The following RLF variants were observed in gnomAD, a reference collection of about 807,000 sequenced individuals.
RLF encodes zinc finger protein Rlf.
RLF carries 7 observed loss-of-function variants against 162.9 expected under a neutral mutation model. The observed-to-expected ratio is 0.04, with a 90% CI of 0.02 to 0.08. RLF has a LOEUF of 0.08. Among genes scored for constraint, RLF ranks in the 10% least tolerant of loss-of-function variants. RLF has a pLI of 1.00. For synonymous variants in RLF, 782 were observed against 791.5 expected, an observed-to-expected ratio of 0.99 and a Z score of 0.20; for missense variants, 1,664 against 2,244.7, an observed-to-expected ratio of 0.74 and a Z score of 5.23.
chr1:40,221,358 A>ATTT, intron 5 of RLF, among the ~76,000 whole-genome samples: 1 of 152,234 alleles, frequency 6.6e-6, no homozygotes, highest in East Asian at 1.9e-4. Context: ...AACTTATTTG[A>ATTT]AAAAATAAAA....
At chr1:40,173,080 T>G (rs974864180) in intron 1 of RLF, among the ~76,000 whole-genome samples, 4 of 149,538 alleles carry the variant, frequency 2.7e-5, no homozygotes, top group South Asian at 4.2e-4. Context: ...CAGGTTTTTT[T>G]TTTTTTTTTT....
intron 1 of RLF, among the ~76,000 whole-genome samples, chr1:40,162,346 G>C (rs932808878): frequency 1.3e-5 from 2 of 151,978 alleles, no homozygotes; most frequent in East Asian, 1.9e-4. Flanking sequence ...TCTGTGCCTT[G>C]GTGGGTCCTA....
chr1:40,204,610 C>G (rs1167240212), intron 5 of RLF, among the ~76,000 whole-genome samples: 1 of 151,332 alleles, frequency 6.6e-6, no homozygotes, highest in Non-Finnish European at 1.5e-5. Flanking sequence ...TTTGGAGAGA[C>G]AGGGTCTTGC....
chr1:40,215,669 C>A (rs537736100), intron 5 of RLF, among the ~76,000 whole-genome samples: 74 of 152,140 alleles, frequency 4.9e-4, no homozygotes, highest in African/African-American at 1.7e-3. Flanking sequence ...CAGCCTTGAA[C>A]CTCCTGGGCT....
Position 40,239,603 on chromosome 1 carries a change from C to A in RLF, c.4901C>A (p.Ala1634Glu). 6.2e-7 allele frequency: 1 copy of A among 1,614,150 alleles called. No individual in the cohort carries two copies. The highest frequency in any genetic ancestry group is 2.2e-5 in the East Asian group (1 of 44,884). ...EHSHSPGDSSAPIQNTDCCHS... is the reference protein window; with the variant it reads ...EHSHSPGDSSEPIQNTDCCHS... Reference sequence around the variant, plus strand: ...AGCCATTCCCCGGGTGACAGTAGTGCACCCATCCAGAACACTGATTGCTGT... The same window carrying A: ...AGCCATTCCCCGGGTGACAGTAGTGAACCCATCCAGAACACTGATTGCTGT... Residue 1634 changes from alanine to glutamate, a missense_variant, in exon 8 of 8, where the codon GCA (alanine) becomes GAA (glutamate). Ala to Glu is a moderately radical substitution (Grantham distance 107). Transcript: ENST00000372771.
chr1:40,210,441 C>A (rs1447602469), intron 5 of RLF, among the ~76,000 whole-genome samples: 1 of 152,120 alleles, frequency 6.6e-6, no homozygotes, highest in Non-Finnish European at 1.5e-5. Flanking sequence ...GAGTACTTTG[C>A]AGGGATCCAC....
At chr1:40,234,718 C>G (rs757067835) in intron 7 of RLF, among the ~76,000 whole-genome samples, 1 of 152,224 alleles carries the variant, frequency 6.6e-6, no homozygotes, top group Non-Finnish European at 1.5e-5. Flanking sequence ...TCTAAAGTCT[C>G]TGCTCATAGC....
intron 5 of RLF, among the ~76,000 whole-genome samples, chr1:40,214,946 C>G (rs1431113327): frequency 1.8e-5 from 1 of 56,946 alleles, no homozygotes; most frequent in Non-Finnish European, 3.6e-5. Context: ...AAAAAAAAAA[C>G]TAAAGTATGA....
chr1:40,235,947 A>T lies in RLF; in HGVS notation c.1245A>T (p.Thr415=). 2 of 1,614,136 alleles carry T rather than the reference A, an allele frequency of 1.2e-6. No individual in the cohort carries two copies. The highest frequency in any genetic ancestry group is 8.5e-7 in the Non-Finnish European group (1 of 1,180,020). ...DLEVRRACQL[T]EFLIEPSLDG... ...AAGTTAGACGAGCCTGTCAGCTTAC[A>T]GAATTCTTAATTGAACCCAGTTTGG... Residue 415 remains threonine (T), a synonymous_variant, in exon 8 of 8, where the codon ACA becomes ACT. Transcript: ENST00000372771.
chr1:40,173,445 T>C (rs1425779570), intron 1 of RLF, among the ~76,000 whole-genome samples: 1 of 152,144 alleles, frequency 6.6e-6, no homozygotes, highest in Admixed American at 6.6e-5. Context: ...TTTTCATATA[T>C]TATGACTATT....
intron 4 of RLF, 34 bp downstream of exon 4, chr1:40,195,798 G>C: frequency 6.3e-7 from 1 of 1,585,404 alleles, no homozygotes; most frequent in Non-Finnish European, 8.6e-7. Flanking sequence ...TGAGGATTTA[G>C]TTCTGAGAAC....
intron 5 of RLF, among the ~76,000 whole-genome samples, chr1:40,221,744 T>C (rs1489279004): frequency 4.6e-5 from 7 of 151,190 alleles, no homozygotes; most frequent in African/African-American, 7.3e-5. Context: ...ACTAAAAATA[T>C]AAAAAATTAG....
chr1:40,235,876 G>T lies in RLF; in HGVS notation c.1174G>T (p.Ala392Ser). The change falls in exon 8 of 8, where the codon GCA (alanine) becomes TCA (serine). Residue 392 changes from alanine to serine, a missense_variant. Transcript: ENST00000372771. ...ATCAAGTGAAGATGAGGAAATGAAG[G>T]CATCAGTTTGTAAAACAATTGCCTG... ...LRSSEDEEMK[A>S]SVCKTIACLL... 6.2e-7 allele frequency: 1 copy of T among 1,614,020 alleles called. No homozygotes were observed.
intron 7 of RLF, among the ~76,000 whole-genome samples, chr1:40,235,212 C>T (rs1643202336): frequency 6.6e-6 from 1 of 151,908 alleles, no homozygotes; most frequent in South Asian, 2.1e-4. Context: ...CAGGCATGCA[C>T]CACCACACCT....
intron 4 of RLF, among the ~76,000 whole-genome samples, chr1:40,200,866 CTACACACA>C (rs1360036926): frequency 1.3e-4 from 14 of 107,740 alleles, no homozygotes; most frequent in Non-Finnish European, 2.6e-4. Flanking sequence ...CATTGCTACT[CTACACACA>C]CACACACACA....
intron 5 of RLF, among the ~76,000 whole-genome samples, chr1:40,216,941 A>G (rs1161258656): frequency 6.6e-6 from 1 of 152,078 alleles, no homozygotes; most frequent in Non-Finnish European, 1.5e-5. Context: ...AATCCCAGCT[A>G]CTCAGGAGGC....
At chr1:40,201,166 C>T (rs1642714630) in intron 4 of RLF, among the ~76,000 whole-genome samples, 2 of 145,516 alleles carry the variant, frequency 1.4e-5, no homozygotes, top group Admixed American at 1.4e-4. Flanking sequence ...AATAAGCTCC[C>T]TAGGTGATCT....
intron 7 of RLF, among the ~76,000 whole-genome samples, chr1:40,233,838 C>T (rs1294842012): frequency 1.3e-5 from 2 of 152,214 alleles, no homozygotes; most frequent in Non-Finnish European, 2.9e-5. Flanking sequence ...CTCACTATTA[C>T]ACTTGACTAG....
chr1:40,162,343 C>T (rs992132508), intron 1 of RLF, among the ~76,000 whole-genome samples: 1 of 151,876 alleles, frequency 6.6e-6, no homozygotes, highest in Non-Finnish European at 1.5e-5. Flanking sequence ...ATTTCTGTGC[C>T]TTGGTGGGTC....
Sources: gnomAD v4.1 joint callset for allele counts (sites outside exome capture counted in the v4.1 genomes callset) on GRCh38, gnomAD v4.1.1 for gene constraint, MANE v1.5 for transcripts, NCBI Gene and HGNC (gene_info 2026-07-23, HGNC 2026-07-21) for gene names.